Variants in DRC11 observed in about 807,000 individuals in gnomAD.
DRC11 encodes the protein IQ and AAA domain-containing protein 1.
chr2:236,431,474 C>T, the DRC11 span, among the ~76,000 whole-genome samples: 3 of 152,172 alleles, frequency 2.0e-5, no homozygotes, highest in African/African-American at 4.8e-5. This position sits in a 1 kb window ranked among gnomAD's most constrained non-coding sequence, Gnocchi z 4.2. Flanking sequence ...GCCTGAGGGT[C>T]ACTGCCTGCA....
chr2:236,405,705 G>A, the DRC11 span, among the ~76,000 whole-genome samples: 2 of 152,146 alleles, frequency 1.3e-5, no homozygotes. The surrounding 1 kb of genome is among the most constrained non-coding windows in gnomAD (Gnocchi z 4.6). Flanking sequence ...CTTTCTCCAA[G>A]GAGGATACAT....
chr2:236,499,779 A>G, the DRC11 span, among the ~76,000 whole-genome samples: 1 of 152,050 alleles, frequency 6.6e-6, no homozygotes, highest in Non-Finnish European at 1.5e-5. This position sits in a 1 kb window ranked among gnomAD's most constrained non-coding sequence, Gnocchi z 4.7. Flanking sequence ...TGTCCTTGTG[A>G]GTTCATAGCT....
the DRC11 span, chr2:236,399,367 G>T: frequency 1.4e-6 from 2 of 1,442,520 alleles, no homozygotes; most frequent in Non-Finnish European, 2.0e-6. This position sits in a 1 kb window ranked among gnomAD's most constrained non-coding sequence, Gnocchi z 7.0. Flanking sequence ...GGGGTTCCCA[G>T]CACGTGCTGC....
the DRC11 span, chr2:236,408,162 G>A: frequency 1.4e-6 from 1 of 708,610 alleles, no homozygotes; most frequent in Non-Finnish European, 2.7e-6. The surrounding 1 kb of genome is among the most constrained non-coding windows in gnomAD (Gnocchi z 5.5). Flanking sequence ...GGTCAGTGGA[G>A]GCATTGTTCT....
chr2:236,497,537 G>T, the DRC11 span: 1 of 1,382,868 alleles, frequency 7.2e-7, no homozygotes. This position sits in a 1 kb window ranked among gnomAD's most constrained non-coding sequence, Gnocchi z 5.1. Context: ...AAATCACTTG[G>T]TAAAACATAA....
the DRC11 span, among the ~76,000 whole-genome samples, chr2:236,396,311 GTT>G: frequency 9.0e-6 from 1 of 110,676 alleles, no homozygotes; most frequent in African/African-American, 3.4e-5. Context: ...GCGGGGGGGG[GTT>G]AATCTTAGTG....
chr2:236,381,170 A>T, the DRC11 span, among the ~76,000 whole-genome samples: 3 of 152,184 alleles, frequency 2.0e-5, no homozygotes. This position sits in a 1 kb window ranked among gnomAD's most constrained non-coding sequence, Gnocchi z 5.8. Flanking sequence ...AGACACAGCT[A>T]GGAGGAACCA....
At chr2:236,408,804 A>C in the DRC11 span, 2 of 667,166 alleles carry the variant, frequency 3.0e-6, no homozygotes, top group Non-Finnish European at 5.5e-6. The surrounding 1 kb of genome is among the most constrained non-coding windows in gnomAD (Gnocchi z 5.5). Context: ...GGGTTTCCAC[A>C]TAGCCCACAA....
chr2:236,380,651 G>A, the DRC11 span: 4 of 1,533,424 alleles, frequency 2.6e-6, no homozygotes, highest in East Asian at 7.3e-5. The surrounding 1 kb of genome is among the most constrained non-coding windows in gnomAD (Gnocchi z 4.9). Context: ...GGAAAAAAAG[G>A]AAATAACCAA....
the DRC11 span, among the ~76,000 whole-genome samples, chr2:236,450,951 A>G: frequency 2.0e-5 from 3 of 152,338 alleles, no homozygotes; most frequent in Non-Finnish European, 4.4e-5. Flanking sequence ...TTTTAATTGA[A>G]ATTGCGTTAT....
At chr2:236,373,001 G>C in the DRC11 span, among the ~76,000 whole-genome samples, 4 of 151,894 alleles carry the variant, frequency 2.6e-5, no homozygotes, top group African/African-American at 9.7e-5. Flanking sequence ...TTTGTCTGTC[G>C]TCAATATTTG....
the DRC11 span, among the ~76,000 whole-genome samples, chr2:236,493,172 T>C: frequency 3.3e-5 from 5 of 152,100 alleles, no homozygotes; most frequent in East Asian, 5.8e-4. Flanking sequence ...GAAACTCCCC[T>C]TTATAAAACC....
At chr2:236,357,475 T>C in the DRC11 span, among the ~76,000 whole-genome samples, 5 of 127,112 alleles carry the variant, frequency 3.9e-5, no homozygotes, top group Admixed American at 8.4e-5. Context: ...ATATTACATG[T>C]ATATTTATAT....
the DRC11 span, among the ~76,000 whole-genome samples, chr2:236,460,301 C>T: frequency 5.9e-5 from 9 of 151,298 alleles, no homozygotes; most frequent in African/African-American, 9.7e-5. The surrounding 1 kb of genome is among the most constrained non-coding windows in gnomAD (Gnocchi z 4.0). Flanking sequence ...AGGGACAGGC[C>T]GGTGAGGGCT....
chr2:236,432,923 T>A, the DRC11 span, among the ~76,000 whole-genome samples: 9,150 of 152,256 alleles, frequency 0.06, 714 homozygotes, highest in East Asian at 0.18. Context: ...TGTTTGATCC[T>A]TTTGGAATCA....
At chr2:236,467,342 T>C in the DRC11 span, among the ~76,000 whole-genome samples, 1 of 152,232 alleles carries the variant, frequency 6.6e-6, no homozygotes, top group Non-Finnish European at 1.5e-5. Context: ...TCCATTTGTC[T>C]ATTTGCACTA....
chr2:236,451,385 A>G, the DRC11 span, among the ~76,000 whole-genome samples: 2 of 151,972 alleles, frequency 1.3e-5, no homozygotes, highest in African/African-American at 4.8e-5. Flanking sequence ...ATAGATATAT[A>G]TGAGTATAGC....
At chr2:236,417,044 AT>A in the DRC11 span, among the ~76,000 whole-genome samples, 1 of 146,540 alleles carries the variant, frequency 6.8e-6, no homozygotes, top group African/African-American at 2.6e-5. Context: ...GCAGGTATGT[AT>A]TTTTAGTAGA....
At chr2:236,339,453 C>A in the DRC11 span, among the ~76,000 whole-genome samples, 1 of 152,116 alleles carries the variant, frequency 6.6e-6, no homozygotes, top group Non-Finnish European at 1.5e-5. Flanking sequence ...GTGGCCTGTA[C>A]TTTTGGTGTC....
Sources: allele counts gnomAD v4.1 joint callset (sites outside exome capture counted in the v4.1 genomes callset), GRCh38; gene constraint gnomAD v4.1.1; non-coding constraint Gnocchi (gnomAD v3.1); transcripts MANE v1.5; gene names NCBI Gene and HGNC (gene_info 2026-07-23, HGNC 2026-07-21).